Variants in HMCN2 observed in about 807,000 individuals in gnomAD.
The protein encoded by HMCN2 is hemicentin 2, also known as hemicentin-2.
A neutral mutation model predicts 377.5 loss-of-function variants in HMCN2; 325 were observed. The ratio of observed to expected loss-of-function variants is 0.86; its 90% CI spans 0.79 to 0.94. The LOEUF (loss-of-function observed/expected upper bound fraction) is 0.94, where lower values mean the gene tolerates loss of function less well. Ranked by LOEUF, HMCN2 falls within the 40% of genes least tolerant of loss-of-function variation. HMCN2 has a pLI of 0.00. For missense variants in HMCN2, 4,543 were observed against 4,725.3 expected (o/e 0.96, Z 1.13); for synonymous variants, 2,007 against 2,046.8 (o/e 0.98, Z 0.53).
At chr9:130,364,916 A>G in intron 41 of HMCN2, 27 bp downstream of exon 41, 1 of 985,366 alleles carries the variant, frequency 1.0e-6, no homozygotes, top group Non-Finnish European at 1.2e-6. Context: ...CCAGCCAAGC[A>G]GGCCTCCACC....
chr9:130,323,301 CCCTGGCTTCTGGATTCCTCT>C (rs1837948634), intron 19 of HMCN2, among the ~76,000 whole-genome samples: 1 of 152,150 alleles, frequency 6.6e-6, no homozygotes, highest in Non-Finnish European at 1.5e-5. Flanking sequence ...GCGTGAGAGC[CCCTGGCTTCTGGATTCCTCT>C]CCTGGCTTCT....
At chr9:130,388,570 G>A (rs918254199) in intron 62 of HMCN2, 30 bp downstream of exon 62, 13 of 987,690 alleles carry the variant, frequency 1.3e-5, no homozygotes, top group African/African-American at 1.7e-5. Context: ...TCTGTTTCGC[G>A]TAAAGCATTC....
rs1036939156 is a variant in HMCN2 at position 130,410,576 on chromosome 9, C to T, written c.12885C>T (p.Asp4295=). The T allele has an allele frequency of 8.4e-6, 13 of 1,550,382 alleles. No individual in the cohort carries two copies. The highest frequency in any genetic ancestry group is 1.0e-5 in the Non-Finnish European group (12 of 1,146,958). ...TCTCCTGTGCCCACTTGCAGAGGGA[C>T]GATGCGGGACGGTACCAGTGCCTGG... The part of the protein sequence containing the change: ...GSLTIRRTER[D]DAGRYQCLAE... Residue 4295 remains aspartate, a synonymous_variant, in exon 85 of 98, where the codon GAC becomes GAT. Coordinates refer to ENST00000683500, the MANE Select transcript of HMCN2 (RefSeq NM_001291815.2).
At chr9:130,268,232 T>C (rs545494945) in intron 1 of HMCN2, among the ~76,000 whole-genome samples, 1 of 152,254 alleles carries the variant, frequency 6.6e-6, no homozygotes, top group African/African-American at 2.4e-5. Flanking sequence ...CTCCCACCCC[T>C]GCTCTTCCCT....
In HMCN2 at chr9:130,268,586, A is replaced by ACC. The variant is rs372653097; in HGVS notation, c.259+2456_259+2457dup. On this transcript the variant is annotated intron_variant, in intron 1 of 97. Transcript: ENST00000683500. ...AAGCAAGGAAGGGGGCTAAGGAAAGACCCCCCCCTGAGGAAGCAGCCTGTG... is the reference window on the plus strand; with the variant it reads ...AAGCAAGGAAGGGGGCTAAGGAAAGACCCCCCCCCCTGAGGAAGCAGCCTGTG... 1.0e-3 allele frequency among the ~76,000 whole-genome samples: 154 copies of ACC among 147,486 alleles called. 4 individuals are homozygous for ACC. Among genetic ancestry groups the ACC allele is most frequent in the African/African-American group, 3.6e-3 (148 of 40,976 alleles).
chr9:130,387,705 G>T (rs552790917), intron 61 of HMCN2, among the ~76,000 whole-genome samples: 1 of 152,278 alleles, frequency 6.6e-6, no homozygotes, highest in Admixed American at 6.5e-5. Context: ...TGCCACAGAT[G>T]CCAAAGCCAG....
In HMCN2 at chr9:130,403,860, C is replaced by T. The variant is rs753456269; in HGVS notation, c.12133C>T (p.Arg4045Trp). The T allele has an allele frequency of 1.4e-5, 18 of 1,289,342 alleles. No individual in the cohort carries two copies. The East Asian group carries it at 3.9e-4, about 28-fold the overall frequency. 79.9% of individuals were successfully genotyped at this position (1,289,342 alleles called of 1,614,324 possible). A position where few individuals can be genotyped will look rare whatever the true frequency, so the allele number is the denominator to read the frequency against. Reference protein sequence around the residue: ...NSAGSAMGKTRLVVQVPPVIE... With the variant: ...NSAGSAMGKTWLVVQVPPVIE... ...TGCGGGCAGTGCCATGGGGAAGACG[C>T]GGCTGGTGGTGCAAGGTGGGAGTGA... The change falls in exon 80 of 98, where the codon CGG becomes TGG. Residue 4045 changes from arginine to tryptophan, a missense_variant. This residue lies in a region of HMCN2 where 1,073 missense variants were observed against 1,319.5 expected (regional missense o/e 0.81). Coordinates refer to ENST00000683500, the MANE Select transcript of HMCN2 (RefSeq NM_001291815.2).
intron 40 of HMCN2, among the ~76,000 whole-genome samples, chr9:130,363,894 A>G (rs7023641): frequency 3.1e-4 from 39 of 125,036 alleles, no homozygotes; most frequent in East Asian, 9.6e-4. Context: ...GGAAGGAAGG[A>G]GAGAGGGAGA....
intron 1 of HMCN2, 100 bp downstream of exon 1, chr9:130,266,237 C>T: frequency 2.8e-6 from 1 of 361,252 alleles, no homozygotes; most frequent in Non-Finnish European, 5.4e-6. Flanking sequence ...ACGTCGTGGG[C>T]TGCGCCGCGG....
At chr9:130,350,080 A>T (rs915859717) in intron 29 of HMCN2, among the ~76,000 whole-genome samples, 6 of 151,134 alleles carry the variant, frequency 4.0e-5, no homozygotes, top group East Asian at 2.0e-4. Flanking sequence ...CTAATTTTTT[A>T]AAAAATGTTT....
At chr9:130,282,173 C>T (rs900600137) in intron 1 of HMCN2, among the ~76,000 whole-genome samples, 7 of 152,212 alleles carry the variant, frequency 4.6e-5, no homozygotes, top group African/African-American at 1.7e-4. Context: ...TGTGAGAACA[C>T]CCGCTGGAGC....
chr9:130,432,676 G>T, intron 97 of HMCN2, 121 bp downstream of exon 97: 1 of 1,094,320 alleles, frequency 9.1e-7, no homozygotes, highest in South Asian at 1.5e-5. Context: ...AGGAACGCAC[G>T]GAGCCCTGGG....
Position 130,407,636 on chromosome 9 carries a change from G to A in HMCN2, c.12619G>A (p.Gly4207Arg), listed in dbSNP as rs916561028. The A allele has an allele frequency of 1.2e-5, 15 of 1,286,192 alleles. No individual in the cohort carries two copies. The highest frequency in any genetic ancestry group is 2.1e-4 in the Middle Eastern group (1 of 4,698). 79.7% of individuals were successfully genotyped at this position (1,286,192 alleles called of 1,614,324 possible). The change falls in exon 83 of 98, where the codon GGG (glycine) becomes AGG (arginine). Residue 4207 changes from glycine (G) to arginine (R), a missense_variant. Around this residue, in one of 5 missense-constraint regions of HMCN2, gnomAD observed 1,073 missense variants for 1,319.5 expected, o/e 0.81. Transcript: ENST00000683500. ...QRAAVSREDS[G>R]TYVCWAENRV... ...GGCCGCTGTCTCCAGAGAAGACAGCGGGACCTATGTCTGCTGGGCGGAGAA... is the reference window on the plus strand; with the variant it reads ...GGCCGCTGTCTCCAGAGAAGACAGCAGGACCTATGTCTGCTGGGCGGAGAA...
intron 85 of HMCN2, among the ~76,000 whole-genome samples, chr9:130,412,539 T>G (rs890954222): frequency 1.3e-5 from 2 of 148,248 alleles, no homozygotes; most frequent in African/African-American, 2.5e-5. Context: ...AGGTCGTCTT[T>G]TTCTTTTCTT....
intron 4 of HMCN2, among the ~76,000 whole-genome samples, chr9:130,290,712 G>C (rs1312866875): frequency 1.3e-5 from 2 of 152,168 alleles, no homozygotes; most frequent in Non-Finnish European, 2.9e-5. Context: ...ACCTTTTCAA[G>C]AGACACATTA....
rs1269827324 is a variant in HMCN2, at chr9:130,425,731, C to A, written c.13686C>A (p.Phe4562Leu). 2 of 1,498,148 alleles carry A rather than the reference C, an allele frequency of 1.3e-6. No homozygotes were observed. Among genetic ancestry groups the A allele is most frequent in the Non-Finnish European group, 1.8e-6 (2 of 1,113,672 alleles). The allele number at this position is 1,498,148 out of a possible 1,614,324, so 92.8% of individuals were successfully genotyped here. A position where few individuals can be genotyped will look rare whatever the true frequency, so the allele number is the denominator to read the frequency against. ...TGCAAACAGGGCCTGGCCAGCTGTT[C>A]GTGGGCTCCACACAGCGCTTCTTCC... ...HYVQTGPGQL[F>L]VGSTQRFFQG... Residue 4562 changes from phenylalanine to leucine, a missense_variant, in exon 90 of 98, where the codon TTC becomes TTA. This residue lies in a region of HMCN2 where 1,155 missense variants were observed against 1,157.7 expected (regional missense o/e 1.00). Transcript: ENST00000683500.
At chr9:130,356,293 G>T (rs540934382) in intron 34 of HMCN2, 36 bp downstream of exon 34, 12 of 1,267,008 alleles carry the variant, frequency 9.5e-6, no homozygotes, top group Non-Finnish European at 1.1e-5. Context: ...GCTGTGGGCA[G>T]CCTGAGATGC....
In HMCN2 at chr9:130,394,367, C is replaced by T; in HGVS notation, c.10502-18C>T. On this transcript the variant is annotated intron_variant, in intron 68 of 97. Transcript: ENST00000683500. The surrounding 1 kb of genome is among the most constrained non-coding windows in gnomAD (Gnocchi z 5.1). Reference sequence around the variant, plus strand: ...AAATGTGTGTCAATTGTGTGTTCCCCTCCATGGTGGCTTGCAGAGCCCCCT... The same window carrying T: ...AAATGTGTGTCAATTGTGTGTTCCCTTCCATGGTGGCTTGCAGAGCCCCCT... 7.8e-7 allele frequency: 1 copy of T among 1,284,906 alleles called. No homozygotes were observed. Among genetic ancestry groups the T allele is most frequent in the Non-Finnish European group, 1.0e-6 (1 of 984,820 alleles). The allele number at this position is 1,284,906 out of a possible 1,614,324, so 79.6% of individuals were successfully genotyped here.
chr9:130,277,679 T>C (rs1331603215), intron 1 of HMCN2, among the ~76,000 whole-genome samples: 1 of 149,120 alleles, frequency 6.7e-6, no homozygotes, highest in Non-Finnish European at 1.5e-5. Context: ...AACATCACTA[T>C]TACCACCATC....
Sources: allele counts gnomAD v4.1 joint callset (sites outside exome capture counted in the v4.1 genomes callset), GRCh38; gene constraint gnomAD v4.1.1; regional missense constraint gnomAD v4.1.1; non-coding constraint Gnocchi (gnomAD v3.1); transcripts MANE v1.5; gene names NCBI Gene and HGNC (gene_info 2026-07-23, HGNC 2026-07-21).